Variants in CPN1 observed in about 807,000 individuals in gnomAD.
CPN1 encodes the protein carboxypeptidase N catalytic chain.
Under a neutral mutation model 46.4 loss-of-function variants are expected in CPN1, and 37 were observed. The observed-to-expected ratio is 0.80, with a 90% CI of 0.61 to 1.05. The LOEUF is 1.05. Ranked by LOEUF, CPN1 falls within the 50% of genes least tolerant of loss-of-function variation. The pLI, the probability that CPN1 is intolerant of heterozygous loss-of-function variation, is 0.00. For missense variants in CPN1, 563 were observed against 602.6 expected (o/e 0.93, Z 0.69); for synonymous variants, 224 against 235.4 (o/e 0.95, Z 0.44).
chr10:100,064,724 A>G (rs991950181), intron 4 of CPN1, among the ~76,000 whole-genome samples: 2 of 152,112 alleles, frequency 1.3e-5, no homozygotes, highest in African/African-American at 4.8e-5. Flanking sequence ...ATATATTAAT[A>G]TAAAATTAAT....
intron 7 of CPN1, among the ~76,000 whole-genome samples, chr10:100,052,545 C>T (rs12243096): frequency 1.3e-5 from 2 of 151,682 alleles, no homozygotes; most frequent in East Asian, 3.9e-4. Context: ...GAATGTTTTA[C>T]AGACATTCCC....
chr10:100,047,657 C>T (rs917967917), intron 8 of CPN1, among the ~76,000 whole-genome samples: 4 of 152,030 alleles, frequency 2.6e-5, no homozygotes, highest in African/African-American at 4.8e-5. Flanking sequence ...TGTGTATACA[C>T]GTTAAATAAA....
intron 7 of CPN1, among the ~76,000 whole-genome samples, chr10:100,052,083 T>C (rs1388542710): frequency 6.6e-6 from 1 of 150,942 alleles, no homozygotes; most frequent in African/African-American, 2.4e-5. Flanking sequence ...AATTTTTTTT[T>C]TTTTTGAGAC....
At position 100,042,251 on chromosome 10, in the gene CPN1, TTTTTTTCATGATGACCTAGAGATGGC is replaced by T; in HGVS notation, c.*150_*175del. ...CACATCACCTTTCAATAGATCCTAA[TTTTTTTCATGATGACCTAGAGATGGC>T]TTACCCCTGGAACAGATGGAGACCA... is the stretch of plus-strand genomic sequence containing the variant. On this transcript the variant is annotated 3_prime_UTR_variant, in exon 9 of 9. Transcript: ENST00000370418. 1 of 834,958 alleles carries T rather than the reference TTTTTTTCATGATGACCTAGAGATGGC, an allele frequency of 1.2e-6. No homozygotes were observed. Among genetic ancestry groups the T allele is most frequent in the South Asian group, 1.6e-5 (1 of 64,390 alleles). The allele number at this position is 834,958 out of a possible 1,614,324, so 51.7% of individuals were successfully genotyped here. A position where few individuals can be genotyped will look rare whatever the true frequency, so the allele number is the denominator to read the frequency against.
chr10:100,066,881 T>C (rs2041457479), intron 3 of CPN1, among the ~76,000 whole-genome samples: 1 of 152,228 alleles, frequency 6.6e-6, no homozygotes, highest in Non-Finnish European at 1.5e-5. Flanking sequence ...AGTTCTGTCT[T>C]TGTGTCCTAA....
At chr10:100,073,410 C>T (rs1451556244) in intron 2 of CPN1, among the ~76,000 whole-genome samples, 1 of 152,176 alleles carries the variant, frequency 6.6e-6, no homozygotes, top group East Asian at 1.9e-4. Flanking sequence ...CTTCCCCTAA[C>T]AGAAGGTTTC....
chr10:100,046,546 G>A (rs951793126), intron 8 of CPN1, among the ~76,000 whole-genome samples: 2 of 152,192 alleles, frequency 1.3e-5, no homozygotes, highest in Non-Finnish European at 2.9e-5. Context: ...GCCGAGGAGG[G>A]TGGATCACCT....
intron 1 of CPN1, among the ~76,000 whole-genome samples, chr10:100,078,850 G>T (rs978978874): frequency 6.6e-6 from 1 of 152,208 alleles, no homozygotes; most frequent in Non-Finnish European, 1.5e-5. Flanking sequence ...ATGAGGCCCT[G>T]CGTGATCTCC....
At chr10:100,055,816 G>A (rs7094406) in intron 6 of CPN1, among the ~76,000 whole-genome samples, 65,602 of 152,084 alleles carry the variant, frequency 0.43, 15,003 homozygotes, top group African/African-American at 0.54. Flanking sequence ...GAGCCACCAC[G>A]CCTAGAGACA....
chr10:100,075,858 T>G, intron 2 of CPN1, 53 bp downstream of exon 2: 1 of 1,576,906 alleles, frequency 6.3e-7, no homozygotes, highest in African/African-American at 1.3e-5. Context: ...CACTGGACTT[T>G]ATTTCCTAAG....
At chr10:100,043,121 G>C (rs2041288156) in intron 8 of CPN1, among the ~76,000 whole-genome samples, 1 of 141,790 alleles carries the variant, frequency 7.1e-6, no homozygotes. Context: ...AAAAAAATTA[G>C]GTTGGGCATG....
chr10:100,073,238 T>C (rs560995829), intron 2 of CPN1, among the ~76,000 whole-genome samples: 31 of 152,338 alleles, frequency 2.0e-4, no homozygotes, highest in African/African-American at 7.5e-4. Context: ...TTCATTTTGG[T>C]GTACACTTCT....
intron 8 of CPN1, among the ~76,000 whole-genome samples, chr10:100,043,846 C>T (rs1466139782): frequency 6.6e-6 from 1 of 152,014 alleles, no homozygotes; most frequent in African/African-American, 2.4e-5. Flanking sequence ...TGTGTTAATG[C>T]ATCCTTTCAA....
chr10:100,047,941 G>A lies in CPN1; in HGVS notation c.1230+817C>T, dbSNP rs577649036. On this transcript the variant is annotated intron_variant, in intron 8 of 8. Transcript: ENST00000370418. ...TGGGAGGCGGGTGTTGCGGTGAGCC[G>A]AGATCATGCCATTGCACTCCAGCCT... 3.5e-3 allele frequency among the ~76,000 whole-genome samples: 534 copies of A among 152,188 alleles called. 5 individuals are homozygous for A. The highest frequency in any genetic ancestry group is 5.9e-3 in the Non-Finnish European group (402 of 68,006).
intron 2 of CPN1, 38 bp from the exon 3 acceptor site, chr10:100,069,907 G>A (rs2041474994): frequency 6.2e-7 from 1 of 1,611,554 alleles, no homozygotes; most frequent in Non-Finnish European, 8.5e-7. Context: ...GAAGGTTTCA[G>A]ATTGAATACT....
chr10:100,052,074 AT>A (rs574139639), intron 7 of CPN1, among the ~76,000 whole-genome samples: 4,214 of 132,704 alleles, frequency 0.032, 91 homozygotes, highest in African/African-American at 0.07. Context: ...CACCCAGCTA[AT>A]TTTTTTTTTT....
At position 100,065,262 on chromosome 10, in the gene CPN1, A is replaced by T. The variant is rs752751371; in HGVS notation, c.685T>A (p.Ser229Thr). Reference sequence around the variant, plus strand: ...ACCCCTCGGACCCGGTGCTCAAAGGACTTGTCATACGGGTAATTGGCCACC... The same window carrying T: ...ACCCCTCGGACCCGGTGCTCAAAGGTCTTGTCATACGGGTAATTGGCCACC... ...AVVANYPYDK[S>T]FEHRVRGVRR... Residue 229 changes from serine to threonine, a missense_variant, in exon 4 of 9, where the codon TCC becomes ACC. Ser to Thr is a moderately conservative substitution (Grantham distance 58, BLOSUM62 1). Transcript: ENST00000370418. 1.9e-6 allele frequency: 3 copies of T among 1,614,088 alleles called. No individual in the cohort carries two copies. Among genetic ancestry groups the T allele is most frequent in the Non-Finnish European group, 2.5e-6 (3 of 1,180,022 alleles).
chr10:100,065,136 C>T (rs1261343651), intron 4 of CPN1, 52 bp downstream of exon 4: 3 of 1,590,668 alleles, frequency 1.9e-6, no homozygotes, highest in Non-Finnish European at 2.6e-6. Context: ...ACCTTAAGCT[C>T]ACCTCCTGAG....
intron 3 of CPN1, among the ~76,000 whole-genome samples, chr10:100,065,797 A>G (rs1433592135): frequency 6.7e-6 from 1 of 150,286 alleles, no homozygotes; most frequent in East Asian, 2.0e-4. Context: ...TGTGATAAAC[A>G]CACCCCTCTG....
Sources: allele counts gnomAD v4.1 joint callset (sites outside exome capture counted in the v4.1 genomes callset), GRCh38; gene constraint gnomAD v4.1.1; transcripts MANE v1.5; gene names NCBI Gene and HGNC (gene_info 2026-07-23, HGNC 2026-07-21).